EPG5: variants seen among roughly 807,000 people sequenced by gnomAD.
EPG5 encodes ectopic P granules protein 5 homolog.
EPG5 carries 159 observed loss-of-function variants against 302.7 expected under a neutral mutation model. The observed-to-expected ratio is 0.53, with a 90% confidence interval of 0.46 to 0.60. The LOEUF is 0.60. EPG5 is among the 20% of genes least tolerant of loss of function. The pLI is 0.00. For synonymous variants in EPG5, 1,158 were observed against 1,136.8 expected, an observed-to-expected ratio of 1.02 and a Z score of -0.37; for missense variants, 2,896 against 3,092.4, an observed-to-expected ratio of 0.94 and a Z score of 1.51.
At chr18:45,837,195 G>C in the EPG5 span, 1 of 1,521,342 alleles carries the variant, frequency 6.6e-7, no homozygotes, top group Non-Finnish European at 8.8e-7. Flanking sequence ...GAAAAACTAA[G>C]GGTAAGAATA....
At chr18:45,804,032 T>C in the EPG5 span, among the ~76,000 whole-genome samples, 1 of 152,198 alleles carries the variant, frequency 6.6e-6, no homozygotes, top group Non-Finnish European at 1.5e-5. Context: ...ATTCTTACTA[T>C]ACTAAATGAC....
chr18:45,824,587 C>T, the EPG5 span, among the ~76,000 whole-genome samples: 1 of 152,158 alleles, frequency 6.6e-6, no homozygotes, highest in African/African-American at 2.4e-5. Context: ...AGTCGCTGTG[C>T]TTGCAGAGAG....
intron 34 of EPG5, 128 bp downstream of exon 34, chr18:45,878,248 T>C (rs1041840175): frequency 1.6e-6 from 1 of 639,764 alleles, no homozygotes; most frequent in Non-Finnish European, 2.7e-6. Context: ...AAAGAAGCCT[T>C]TTCTAAATTT....
intron 25 of EPG5, among the ~76,000 whole-genome samples, chr18:45,903,251 A>T (rs1235774692): frequency 6.6e-6 from 1 of 152,046 alleles, no homozygotes; most frequent in Non-Finnish European, 1.5e-5. Flanking sequence ...TTTTATAATC[A>T]GAAAAAAAAT....
chr18:45,855,535 T>C (rs1353630066), intron 43 of EPG5, 38 bp downstream of exon 43: 5 of 1,475,376 alleles, frequency 3.4e-6, no homozygotes, highest in Non-Finnish European at 3.8e-6. Context: ...AGGGAAGATG[T>C]GCAGGCAAAC....
chr18:45,941,946 G>A lies in EPG5; in HGVS notation c.1943+1215C>T, dbSNP rs142241118. Among the ~76,000 whole-genome samples the A allele has an allele frequency of 5.2e-3, 796 of 152,154 alleles. 6 individuals carry two copies. The highest frequency in any genetic ancestry group is 0.018 in the African/African-American group (740 of 41,500). On this transcript the variant is annotated intron_variant, in intron 9 of 43. Coordinates refer to ENST00000282041, the MANE Select transcript of EPG5 (RefSeq NM_020964.3). The stretch of plus-strand genomic sequence containing the variant: ...AGACCTCAGGAGGGACCCCCAGGCC[G>A]GGCACAGTAGCTCATGGCTGTAATC...
chr18:45,825,768 G>A, the EPG5 span: 1 of 1,614,232 alleles, frequency 6.2e-7, no homozygotes, highest in Non-Finnish European at 8.5e-7. Flanking sequence ...CTTGGCGTGG[G>A]TTCTCCCGAC....
rs923339500 is a variant in EPG5, at chr18:45,857,786, A to G, written c.7442+67T>C. On this transcript the variant is annotated intron_variant, in intron 42 of 43. Transcript: ENST00000282041. ...GAAAAACCTACTGAAGTATATCACA[A>G]CCTGTAAGTAGGTACAGATGTCTGA... is the stretch of plus-strand genomic sequence containing the variant. 4 of 1,308,360 alleles carry G rather than the reference A, an allele frequency of 3.1e-6. No homozygotes were observed. In the Admixed American group the frequency reaches 5.2e-5, roughly 17 times the overall value. 81.0% of individuals were successfully genotyped at this position (1,308,360 alleles called of 1,614,324 possible).
At position 45,851,285 on chromosome 18, in the gene EPG5, T is replaced by C. The variant is rs917711676; in HGVS notation, c.*1182A>G. On this transcript the variant is annotated 3_prime_UTR_variant, in exon 44 of 44. Coordinates refer to ENST00000282041, the MANE Select transcript of EPG5 (RefSeq NM_020964.3). ...CAAAATCCATCTAGAGCTGATAGAA[T>C]GAGGAACGTGGGAACAGAAGTCAAA... 10 of 152,072 alleles carry C rather than the reference T, an allele frequency of 6.6e-5. No homozygotes were observed. Among genetic ancestry groups the C allele is most frequent in the African/African-American group, 2.4e-4 (10 of 41,408 alleles). The allele number at this position is 152,072 out of a possible 1,614,324, so 9.4% of individuals were successfully genotyped here.
chr18:45,953,319 T>C (rs2050953451), intron 2 of EPG5: 2 of 985,138 alleles, frequency 2.0e-6, no homozygotes, highest in African/African-American at 1.7e-5. Flanking sequence ...TCAAAACATC[T>C]CTGGATCTAC....
the EPG5 span, chr18:45,837,424 C>A: frequency 7.2e-7 from 1 of 1,386,548 alleles, no homozygotes; most frequent in Non-Finnish European, 9.3e-7. Context: ...GTTGGGGGAG[C>A]GTTTCCTGGG....
chr18:45,817,536 A>T, the EPG5 span, among the ~76,000 whole-genome samples: 1 of 152,244 alleles, frequency 6.6e-6, no homozygotes. Flanking sequence ...TGCAGCTAAG[A>T]TGTCAGCATC....
chr18:45,873,354 A>T (rs962734971), intron 35 of EPG5, among the ~76,000 whole-genome samples: 1 of 152,102 alleles, frequency 6.6e-6, no homozygotes, highest in Non-Finnish European at 1.5e-5. Context: ...TACTAAAAAT[A>T]CAAAAATCAG....
the EPG5 span, among the ~76,000 whole-genome samples, chr18:45,840,616 T>C: frequency 6.6e-6 from 1 of 152,212 alleles, no homozygotes. Context: ...TCTGAGAGCC[T>C]AGGTGAGGGG....
intron 13 of EPG5, among the ~76,000 whole-genome samples, chr18:45,926,593 C>T (rs2050274018): frequency 1.3e-5 from 2 of 151,956 alleles, no homozygotes; most frequent in South Asian, 4.1e-4. Context: ...TTGGGGGGCC[C>T]AGGTGGACAG....
At chr18:45,896,648 G>A (rs1568131225) in intron 27 of EPG5, among the ~76,000 whole-genome samples, 1 of 147,758 alleles carries the variant, frequency 6.8e-6, no homozygotes, top group African/African-American at 2.4e-5. Context: ...GCGGTTAAGT[G>A]ATCCTCCTGC....
At chr18:45,870,798 A>G in intron 35 of EPG5, 56 bp from the exon 36 acceptor site, 1 of 1,418,090 alleles carries the variant, frequency 7.1e-7, no homozygotes, top group African/African-American at 1.4e-5. Flanking sequence ...TAAAAAAAAA[A>G]AAAAAAAGCA....
At chr18:45,837,404 C>A in the EPG5 span, 9 of 1,368,018 alleles carry the variant, frequency 6.6e-6, no homozygotes, top group Admixed American at 3.4e-5. Context: ...CTGGGGTTTC[C>A]AGGCTAGGGG....
chr18:45,842,407 G>C, the EPG5 span: 2 of 573,370 alleles, frequency 3.5e-6, no homozygotes, highest in African/African-American at 3.8e-5. Flanking sequence ...CCAGCATTTC[G>C]TAAATGTGCA....
Sources: allele counts gnomAD v4.1 joint callset (sites outside exome capture counted in the v4.1 genomes callset), GRCh38; gene constraint gnomAD v4.1.1; transcripts MANE v1.5; gene names NCBI Gene and HGNC (gene_info 2026-07-23, HGNC 2026-07-21).